Variants in SPOCK1 observed in about 807,000 individuals in gnomAD.
SPOCK1 encodes SPARC (osteonectin), cwcv and kazal like domains proteoglycan 1.
Under a neutral mutation model 55.3 loss-of-function variants are expected in SPOCK1, and 23 were observed. That is an observed-to-expected ratio of 0.42 (90% CI 0.30 to 0.59). The LOEUF (loss-of-function observed/expected upper bound fraction) is 0.59. Ranked by LOEUF, SPOCK1 falls within the 20% of genes least tolerant of loss-of-function variation. The pLI, the probability that SPOCK1 is intolerant of heterozygous loss-of-function variation, is 0.22. For synonymous variants in SPOCK1, 226 were observed against 221.0 expected (o/e 1.02, Z -0.20); for missense variants, 499 against 552.5 (o/e 0.90, Z 0.97).
intron 5 of SPOCK1, among the ~76,000 whole-genome samples, chr5:137,069,938 C>G (rs373636462): frequency 3.3e-5 from 5 of 152,336 alleles, no homozygotes; most frequent in Admixed American, 2.0e-4. Context: ...GAGACTCCCC[C>G]TCTCCAACCC....
At chr5:137,340,820 G>T (rs1750403792) in intron 2 of SPOCK1, among the ~76,000 whole-genome samples, 1 of 151,634 alleles carries the variant, frequency 6.6e-6, no homozygotes, top group African/African-American at 2.4e-5. Context: ...GGCAGAGGTT[G>T]CAGTGAGCTG....
At chr5:137,148,355 C>T (rs1455955401) in intron 3 of SPOCK1, among the ~76,000 whole-genome samples, 1 of 152,150 alleles carries the variant, frequency 6.6e-6, no homozygotes, top group Admixed American at 6.5e-5. Context: ...GAAAAGAAGG[C>T]GTTAAGAGGG....
chr5:137,318,622 G>C (rs1757926061), intron 2 of SPOCK1, among the ~76,000 whole-genome samples: 2 of 152,206 alleles, frequency 1.3e-5, no homozygotes, highest in South Asian at 4.1e-4. Flanking sequence ...AGTGGAAATA[G>C]AAACAAATCC....
rs1750669716 is a variant in SPOCK1, at chr5:136,978,854, T to TA, written c.1130-11dup. The TA allele has an allele frequency of 1.9e-6, 3 of 1,596,338 alleles. No individual in the cohort carries two copies. The highest frequency in any genetic ancestry group is 1.1e-5 in the South Asian group (1 of 87,434). On this transcript the variant is annotated splice_polypyrimidine_tract_variant and intron_variant, in intron 10 of 10. Coordinates refer to ENST00000394945, the MANE Select transcript of SPOCK1 (RefSeq NM_004598.4). ...GTTTCCTGCTCCTCTTCTGAAAGAT[T>TA]AAAAAAAGCATTGAGGTTAGTTTCC...
intron 2 of SPOCK1, among the ~76,000 whole-genome samples, chr5:137,447,285 G>C (rs1161627457): frequency 1.3e-5 from 2 of 152,194 alleles, no homozygotes; most frequent in African/African-American, 4.8e-5. Flanking sequence ...CCCTTCACCA[G>C]CAGAGGAGAA....
At chr5:137,160,640 ATATATTT>A (rs1485596895) in intron 3 of SPOCK1, among the ~76,000 whole-genome samples, 6 of 97,114 alleles carry the variant, frequency 6.2e-5, no homozygotes, top group South Asian at 2.6e-4. Flanking sequence ...AATATATAAT[ATATATTT>A]TATATAATAT....
At chr5:137,273,397 G>A in intron 2 of SPOCK1, 1 of 983,962 alleles carries the variant, frequency 1.0e-6, no homozygotes, top group Non-Finnish European at 1.2e-6. Flanking sequence ...GAGTACGAAA[G>A]CATTATAAAT....
chr5:137,067,783 G>A lies in SPOCK1; in HGVS notation c.521C>T (p.Thr174Ile). The A allele has an allele frequency of 1.2e-6, 2 of 1,614,158 alleles. No individual in the cohort carries two copies. Among genetic ancestry groups the A allele is most frequent in the Non-Finnish European group, 1.7e-6 (2 of 1,180,016 alleles). ...HACSTGKSLA[T>I]LCDGPCPCLP... ...ACAGGGACAGGGCCCATCACAGAGGGTGGCGAGGCTTTTGCCAGTAGAACA... is the reference window on the plus strand; with the variant it reads ...ACAGGGACAGGGCCCATCACAGAGGATGGCGAGGCTTTTGCCAGTAGAACA... Residue 174 changes from threonine to isoleucine, a missense_variant, in exon 6 of 11, where the codon ACC becomes ATC. Physicochemically the swap from Thr to Ile is moderately conservative, Grantham distance 89. Around this residue, in one of 3 missense-constraint regions of SPOCK1, gnomAD observed 386 missense variants for 400.6 expected, o/e 0.96. Transcript: ENST00000394945.
chr5:137,462,029 A>G (rs2149837598), intron 2 of SPOCK1, among the ~76,000 whole-genome samples: 1 of 152,162 alleles, frequency 6.6e-6, no homozygotes, highest in South Asian at 2.1e-4. Flanking sequence ...TCAAGCCATG[A>G]CCCTCTGACT....
intron 2 of SPOCK1, among the ~76,000 whole-genome samples, chr5:137,321,109 T>A (rs889027612): frequency 5.3e-5 from 8 of 151,224 alleles, no homozygotes; most frequent in African/African-American, 1.9e-4. Context: ...ACTAGAATAA[T>A]TCAAGAGCAG....
intron 3 of SPOCK1, among the ~76,000 whole-genome samples, chr5:137,193,355 G>C (rs1354969082): frequency 6.6e-6 from 1 of 152,150 alleles, no homozygotes; most frequent in African/African-American, 2.4e-5. Flanking sequence ...GGGACGTTAA[G>C]GGGAGGTAGA....
chr5:136,988,736 GC>G, intron 7 of SPOCK1, 93 bp from the exon 8 acceptor site: 1 of 1,160,902 alleles, frequency 8.6e-7, no homozygotes, highest in Non-Finnish European at 1.2e-6. Context: ...AGATGCCAAG[GC>G]CCACCTGACT....
In SPOCK1 at chr5:137,308,240, C is replaced by T. The variant is rs141307483; in HGVS notation, c.187-41185G>A. 3.0e-3 allele frequency among the ~76,000 whole-genome samples: 457 copies of T among 152,310 alleles called. 6 individuals are homozygous for T. The highest frequency in any genetic ancestry group is 0.011 in the African/African-American group (438 of 41,576). ...ACCAAGATTTTTCAGACACACAAAGCCTTTGGACTAAGTTGACTGATTCTC... is the reference window on the plus strand; with the variant it reads ...ACCAAGATTTTTCAGACACACAAAGTCTTTGGACTAAGTTGACTGATTCTC... On this transcript the variant is annotated intron_variant, in intron 2 of 10. Transcript: ENST00000394945.
chr5:137,014,010 G>C lies in SPOCK1; in HGVS notation c.590-21410C>G, dbSNP rs538869432. ...GATATTTGTCCTTGCCCAAATCTAT[G>C]TTGAATTGCAATCCCCAGTGCTGAC... On this transcript the variant is annotated intron_variant, in intron 6 of 10. Coordinates refer to ENST00000394945, the MANE Select transcript of SPOCK1 (RefSeq NM_004598.4). Among the ~76,000 whole-genome samples the C allele has an allele frequency of 2.0e-5, 3 of 152,232 alleles. No homozygotes were observed. The South Asian group carries it at 6.2e-4, about 32-fold the overall frequency.
chr5:137,480,025 G>A (rs1320224864), intron 2 of SPOCK1, among the ~76,000 whole-genome samples: 2 of 152,172 alleles, frequency 1.3e-5, no homozygotes, highest in Non-Finnish European at 2.9e-5. Context: ...AGTCAAGACT[G>A]TGCAGGGGAA....
At chr5:137,026,182 G>A (rs1288637379) in intron 6 of SPOCK1, among the ~76,000 whole-genome samples, 2 of 152,202 alleles carry the variant, frequency 1.3e-5, no homozygotes, top group Admixed American at 1.3e-4. Context: ...GTCAGGAAAT[G>A]GGTCTCCTTC....
chr5:137,394,666 A>G lies in SPOCK1; in HGVS notation c.186+103707T>C, dbSNP rs545551848. The stretch of plus-strand genomic sequence containing the variant: ...AGAGCCTTACATGCAATAAGTGCTC[A>G]ATAAATATTCCCTGAGCTGAACCAG... On this transcript the variant is annotated intron_variant, in intron 2 of 10. Coordinates refer to ENST00000394945, the MANE Select transcript of SPOCK1 (RefSeq NM_004598.4). Among the ~76,000 whole-genome samples the G allele has an allele frequency of 4.6e-5, 7 of 152,342 alleles. No homozygotes were observed. The East Asian group carries it at 1.4e-3, about 29-fold the overall frequency.
At chr5:137,058,924 C>G (rs114421554) in intron 6 of SPOCK1, among the ~76,000 whole-genome samples, 2,392 of 152,190 alleles carry the variant, frequency 0.016, 57 homozygotes, top group African/African-American at 0.055. Flanking sequence ...GGGACAGACA[C>G]GTAACAGAGG....
intron 2 of SPOCK1, among the ~76,000 whole-genome samples, chr5:137,268,233 G>A (rs999399999): frequency 6.6e-6 from 1 of 152,162 alleles, no homozygotes. Flanking sequence ...ACTAGCTTTA[G>A]AGTAAAATCA....
Sources: allele counts gnomAD v4.1 joint callset (sites outside exome capture counted in the v4.1 genomes callset), GRCh38; gene constraint gnomAD v4.1.1; regional missense constraint gnomAD v4.1.1; transcripts MANE v1.5; gene names NCBI Gene and HGNC (gene_info 2026-07-23, HGNC 2026-07-21).